SHROOM3: variants seen among roughly 807,000 people sequenced by gnomAD.
SHROOM3 encodes shroom family member 3.
In SHROOM3, 47 loss-of-function variants were observed where a neutral mutation model predicts 138.6. The observed-to-expected ratio is 0.34, with a 90% CI of 0.27 to 0.43. The LOEUF (loss-of-function observed/expected upper bound fraction) is 0.43, where lower values mean the gene tolerates loss of function less well. SHROOM3 is among the 20% of genes least tolerant of loss of function. The pLI, the probability that SHROOM3 is intolerant of heterozygous loss-of-function variation, is 1.00. For synonymous variants in SHROOM3, 1,062 were observed against 1,063.3 expected (o/e 1.00, Z 0.02); for missense variants, 2,491 against 2,596.5 (o/e 0.96, Z 0.88).
chr4:76,776,434 A>ATTTT (rs1177878170), intron 10 of SHROOM3, among the ~76,000 whole-genome samples: 57 of 152,256 alleles, frequency 3.7e-4, no homozygotes, highest in African/African-American at 1.3e-3. Context: ...GCTGTGCAAA[A>ATTTT]GCTCTTTAGT....
At position 76,622,402 on chromosome 4, in the gene SHROOM3, C is replaced by A. The variant is rs56952576; in HGVS notation, c.323+66639C>A. ...TGGCCCTTCTCAGCAACGGAACATT[C>A]TTGACTCCTGAGGCAGGGAAGGAAG... is the stretch of plus-strand genomic sequence containing the variant. On this transcript the variant is annotated intron_variant, in intron 2 of 10. Coordinates refer to ENST00000296043, the MANE Select transcript of SHROOM3 (RefSeq NM_020859.4). 2.6e-3 allele frequency among the ~76,000 whole-genome samples: 396 copies of A among 152,124 alleles called. 2 individuals carry two copies. Among genetic ancestry groups the A allele is most frequent in the African/African-American group, 8.7e-3 (361 of 41,498 alleles).
At chr4:76,596,568 A>C (rs73828191) in intron 2 of SHROOM3, among the ~76,000 whole-genome samples, 6,414 of 146,594 alleles carry the variant, frequency 0.044, 446 homozygotes, top group African/African-American at 0.15. Context: ...AGGTAGGTAG[A>C]TAGGTACAGA....
At chr4:76,765,816 A>G (rs1428966727) in intron 9 of SHROOM3, among the ~76,000 whole-genome samples, 1 of 152,182 alleles carries the variant, frequency 6.6e-6, no homozygotes. Context: ...AACTCTTCAA[A>G]TTTCTGGCCT....
At chr4:76,592,185 G>A (rs1734287398) in intron 2 of SHROOM3, among the ~76,000 whole-genome samples, 2 of 152,160 alleles carry the variant, frequency 1.3e-5, no homozygotes, top group Admixed American at 1.3e-4. Flanking sequence ...CATATGCAAA[G>A]GCCCTGGGGC....
At chr4:76,603,455 A>G (rs1214564532) in intron 2 of SHROOM3, among the ~76,000 whole-genome samples, 1 of 150,714 alleles carries the variant, frequency 6.6e-6, no homozygotes, top group South Asian at 2.1e-4. Context: ...ACCCACAAAC[A>G]AAAAAAAACC....
At chr4:76,716,459 G>T (rs753489448) in intron 3 of SHROOM3, 10 of 517,864 alleles carry the variant, frequency 1.9e-5, no homozygotes, top group African/African-American at 1.7e-4. Context: ...TTCATTGCAG[G>T]ATCCTCCAAT....
At chr4:76,579,665 T>C (rs574285773) in intron 2 of SHROOM3, among the ~76,000 whole-genome samples, 4 of 152,358 alleles carry the variant, frequency 2.6e-5, no homozygotes, top group East Asian at 1.9e-4. Flanking sequence ...CCAGTTTGCC[T>C]TGGGGCCCCA....
At chr4:76,438,569 C>A (rs1165429646) in intron 1 of SHROOM3, among the ~76,000 whole-genome samples, 1 of 152,204 alleles carries the variant, frequency 6.6e-6, no homozygotes, top group African/African-American at 2.4e-5. Flanking sequence ...GTCTGTCTGG[C>A]AAACTCTTTA....
chr4:76,592,163 CAG>C (rs1424624554), intron 2 of SHROOM3, among the ~76,000 whole-genome samples: 4 of 152,206 alleles, frequency 2.6e-5, no homozygotes, highest in South Asian at 4.2e-4. Flanking sequence ...GCATTGCTGA[CAG>C]AGAGAAGAGC....
At chr4:76,481,381 G>T (rs1382041506) in intron 1 of SHROOM3, among the ~76,000 whole-genome samples, 1 of 152,022 alleles carries the variant, frequency 6.6e-6, no homozygotes, top group African/African-American at 2.4e-5. Flanking sequence ...AAATCTAAAA[G>T]AAATGGATAA....
At chr4:76,767,406 C>T (rs539784889) in intron 9 of SHROOM3, among the ~76,000 whole-genome samples, 20 of 152,286 alleles carry the variant, frequency 1.3e-4, no homozygotes, top group East Asian at 5.8e-4. Flanking sequence ...TGGCTGGGCG[C>T]GGTGGCTCAC....
chr4:76,446,314 T>C (rs1263433741), intron 1 of SHROOM3, among the ~76,000 whole-genome samples: 1 of 127,274 alleles, frequency 7.9e-6, no homozygotes, highest in African/African-American at 2.8e-5. Context: ...CCCCATATCT[T>C]GATAAACTGG....
At chr4:76,456,764 GC>G (rs1460906944) in intron 1 of SHROOM3, among the ~76,000 whole-genome samples, 1 of 152,218 alleles carries the variant, frequency 6.6e-6, no homozygotes, top group Non-Finnish European at 1.5e-5. Context: ...GAGCAATAAA[GC>G]TTTTAATCAC....
chr4:76,761,424 C>A (rs1282715695), intron 9 of SHROOM3, among the ~76,000 whole-genome samples: 1 of 152,172 alleles, frequency 6.6e-6, no homozygotes, highest in African/African-American at 2.4e-5. Flanking sequence ...ATTTTCTTTT[C>A]AACACAATGC....
chr4:76,722,651 A>G (rs970451768), intron 3 of SHROOM3, among the ~76,000 whole-genome samples: 7 of 152,080 alleles, frequency 4.6e-5, no homozygotes, highest in African/African-American at 1.7e-4. Context: ...TGTACCCCTA[A>G]AATTAAAGTT....
chr4:76,689,898 C>T (rs1426058387), intron 2 of SHROOM3, among the ~76,000 whole-genome samples: 2 of 152,104 alleles, frequency 1.3e-5, no homozygotes, highest in East Asian at 1.9e-4. Context: ...CACTCCTAGG[C>T]CTTGGCTTTT....
intron 2 of SHROOM3, among the ~76,000 whole-genome samples, chr4:76,619,955 G>A (rs1417818759): frequency 6.6e-6 from 1 of 151,772 alleles, no homozygotes; most frequent in Admixed American, 6.6e-5. Context: ...CGACCTACTC[G>A]GGAGGCTGAG....
intron 2 of SHROOM3, among the ~76,000 whole-genome samples, chr4:76,650,860 G>A (rs1380148007): frequency 1.3e-5 from 2 of 152,084 alleles, no homozygotes; most frequent in Non-Finnish European, 2.9e-5. Flanking sequence ...CTTTACAATA[G>A]CTAAGATTTG....
chr4:76,704,743 C>T (rs1401253567), intron 2 of SHROOM3, among the ~76,000 whole-genome samples: 1 of 152,108 alleles, frequency 6.6e-6, no homozygotes, highest in Non-Finnish European at 1.5e-5. Context: ...TGACATCATC[C>T]ATTTACATTT....
Sources: gnomAD v4.1 joint callset for allele counts (sites outside exome capture counted in the v4.1 genomes callset) on GRCh38, gnomAD v4.1.1 for gene constraint, MANE v1.5 for transcripts, NCBI Gene and HGNC (gene_info 2026-07-23, HGNC 2026-07-21) for gene names.